Variants in SUMF1 observed in about 807,000 individuals in gnomAD.
SUMF1 encodes sulfatase modifying factor 1, also known as formylglycine-generating enzyme.
A neutral mutation model predicts 47.6 loss-of-function variants in SUMF1; 48 were observed. The observed-to-expected ratio is 1.01, with a 90% CI of 0.80 to 1.28. The LOEUF (loss-of-function observed/expected upper bound fraction) is 1.28, where lower values mean the gene tolerates loss of function less well. Among genes scored for constraint, SUMF1 ranks in the 50% most tolerant of loss-of-function variants. SUMF1 has a pLI of 0.00. For synonymous variants in SUMF1, 230 were observed against 192.1 expected (o/e 1.20, Z -1.63); for missense variants, 571 against 485.4 (o/e 1.18, Z -1.66).
At chr3:4,305,519 A>G (rs547191397) in intron 8 of SUMF1, among the ~76,000 whole-genome samples, 21 of 152,322 alleles carry the variant, frequency 1.4e-4, no homozygotes, top group African/African-American at 4.3e-4. Context: ...TTGTGGAAAG[A>G]AAGAAAAAGA....
chr3:4,318,099 A>T (rs1432904724), intron 8 of SUMF1, among the ~76,000 whole-genome samples: 2 of 151,114 alleles, frequency 1.3e-5, no homozygotes, highest in Non-Finnish European at 3.0e-5. Flanking sequence ...GGATACCATA[A>T]CCAGACACAT....
intron 8 of SUMF1, among the ~76,000 whole-genome samples, chr3:4,101,276 T>C (rs1693026456): frequency 6.6e-6 from 1 of 152,084 alleles, no homozygotes; most frequent in South Asian, 2.1e-4. Flanking sequence ...TTTTAAAATG[T>C]GGTATATACA....
chr3:4,241,299 G>C (rs552725126), intron 8 of SUMF1, among the ~76,000 whole-genome samples: 1 of 152,082 alleles, frequency 6.6e-6, no homozygotes. Context: ...TGTATCTTCA[G>C]TTCAGGATAA....
chr3:4,187,255 G>C (rs1412890127), intron 8 of SUMF1, among the ~76,000 whole-genome samples: 1 of 152,116 alleles, frequency 6.6e-6, no homozygotes, highest in East Asian at 1.9e-4. Flanking sequence ...TGCAGTCCCA[G>C]CTACTCAGGA....
chr3:4,393,988 C>T (rs1238445675), intron 7 of SUMF1, among the ~76,000 whole-genome samples: 1 of 152,068 alleles, frequency 6.6e-6, no homozygotes, highest in Non-Finnish European at 1.5e-5. Context: ...TGATTCTCAA[C>T]AAGCCAATTA....
At chr3:4,109,631 T>C (rs1365542010) in intron 8 of SUMF1, among the ~76,000 whole-genome samples, 1 of 152,082 alleles carries the variant, frequency 6.6e-6, no homozygotes, top group Non-Finnish European at 1.5e-5. Context: ...TTTCTTTTTA[T>C]TCTTTTTTCT....
chr3:4,195,530 A>T (rs530336177), intron 8 of SUMF1, among the ~76,000 whole-genome samples: 2 of 152,296 alleles, frequency 1.3e-5, no homozygotes, highest in African/African-American at 4.8e-5. Flanking sequence ...ACTGGCCTAC[A>T]TTTAAATGGG....
intron 8 of SUMF1, among the ~76,000 whole-genome samples, chr3:4,089,557 T>C (rs757178030): frequency 2.6e-5 from 4 of 152,158 alleles, no homozygotes; most frequent in Non-Finnish European, 5.9e-5. Flanking sequence ...GAGCCTATCA[T>C]ATACCTGGAA....
chr3:4,298,634 C>T lies in SUMF1; in HGVS notation c.1014+77696G>A, dbSNP rs182842426. On this transcript the variant is annotated intron_variant and NMD_transcript_variant, in intron 8 of 12. Transcript: ENST00000448413. ...CATGGCTCTTATAATTCTTTTCTCA[C>T]AACATTCTTACAATTTCTATCACAT... Among the ~76,000 whole-genome samples, 33 of 152,316 alleles carry T rather than the reference C, an allele frequency of 2.2e-4. 1 individual carries two copies. The highest frequency in any genetic ancestry group is 7.2e-4 in the African/African-American group (30 of 41,574).
At chr3:4,267,340 G>A (rs540306228) in intron 8 of SUMF1, among the ~76,000 whole-genome samples, 137 of 152,274 alleles carry the variant, frequency 9.0e-4, no homozygotes, top group African/African-American at 3.2e-3. Context: ...ATTCGGCTGT[G>A]AATCCATCTG....
intron 8 of SUMF1, among the ~76,000 whole-genome samples, chr3:4,105,926 T>C (rs2322521): frequency 0.05 from 7,591 of 152,168 alleles, 512 homozygotes; most frequent in East Asian, 0.16. Flanking sequence ...ACGATTTCCA[T>C]AATTTGGCAA....
At chr3:4,197,734 A>G (rs1695459546) in intron 8 of SUMF1, among the ~76,000 whole-genome samples, 1 of 152,228 alleles carries the variant, frequency 6.6e-6, no homozygotes, top group Admixed American at 6.5e-5. Context: ...ATGTCAGTAA[A>G]CATTTATGTC....
intron 3 of SUMF1, among the ~76,000 whole-genome samples, chr3:4,427,093 A>G (rs573061211): frequency 6.6e-6 from 1 of 152,352 alleles, no homozygotes; most frequent in South Asian, 2.1e-4. Context: ...TTCTTGCCAG[A>G]GGTGGCAAAT....
intron 1 of SUMF1, among the ~76,000 whole-genome samples, chr3:4,458,835 A>G (rs1438392667): frequency 7.2e-5 from 11 of 152,302 alleles, no homozygotes; most frequent in South Asian, 2.1e-4. Flanking sequence ...CAGCCTGGGC[A>G]ACAGAGCTAG....
intron 8 of SUMF1, among the ~76,000 whole-genome samples, chr3:4,168,708 T>A (rs889973872): frequency 6.6e-6 from 1 of 152,208 alleles, no homozygotes; most frequent in Non-Finnish European, 1.5e-5. Flanking sequence ...GCAAGTCATT[T>A]CATACTTTAT....
chr3:4,319,223 C>T (rs1055920782), intron 8 of SUMF1, among the ~76,000 whole-genome samples: 1 of 152,158 alleles, frequency 6.6e-6, no homozygotes, highest in Non-Finnish European at 1.5e-5. Context: ...CTAGGCATAG[C>T]CTTAGCATTG....
In SUMF1 at chr3:4,300,295, G is replaced by A. The variant is rs139369369; in HGVS notation, c.1014+76035C>T. On this transcript the variant is annotated intron_variant and NMD_transcript_variant, in intron 8 of 12. Coordinates refer to the SUMF1 transcript ENST00000448413. ...CTACTATGACTCAAAGCTTCCTGAG[G>A]CCTGCCCAGGAACCGAACAAATGCC... Among the ~76,000 whole-genome samples, 34 of 152,220 alleles carry A rather than the reference G, an allele frequency of 2.2e-4. No homozygotes were observed. The East Asian group carries it at 6.6e-3, about 29-fold the overall frequency.
chr3:4,077,960 A>T (rs1692475898), intron 8 of SUMF1, among the ~76,000 whole-genome samples: 1 of 152,092 alleles, frequency 6.6e-6, no homozygotes, highest in Admixed American at 6.5e-5. Context: ...AAAAAGCTTG[A>T]TATTTTAGTC....
chr3:4,273,527 T>G (rs1697345292), intron 8 of SUMF1, among the ~76,000 whole-genome samples: 1 of 151,962 alleles, frequency 6.6e-6, no homozygotes, highest in South Asian at 2.1e-4. Flanking sequence ...AGAGGATGAC[T>G]GAAAATGTCA....
Sources: gnomAD v4.1 joint callset for allele counts (sites outside exome capture counted in the v4.1 genomes callset) on GRCh38, gnomAD v4.1.1 for gene constraint, MANE v1.5 for transcripts, NCBI Gene and HGNC (gene_info 2026-07-23, HGNC 2026-07-21) for gene names.